EPS8L2: variants seen among roughly 807,000 people sequenced by gnomAD.
The protein encoded by EPS8L2 is epidermal growth factor receptor kinase substrate 8-like protein 2.
In EPS8L2, 81 loss-of-function variants were observed where a neutral mutation model predicts 99.4. That is an observed-to-expected ratio of 0.82 (90% CI 0.68 to 0.98). The LOEUF is 0.98. EPS8L2 is among the 50% of genes least tolerant of loss of function. EPS8L2 has a pLI of 0.00. For synonymous variants in EPS8L2, 509 were observed against 407.3 expected (o/e 1.25, Z -3.01); for missense variants, 1,155 against 968.8 (o/e 1.19, Z -2.55).
chr11:719,423 G>C (rs1862099356), intron 4 of EPS8L2, among the ~76,000 whole-genome samples: 1 of 152,242 alleles, frequency 6.6e-6, no homozygotes, highest in African/African-American at 2.4e-5. Flanking sequence ...GGAGGAGGGG[G>C]CCTGAGCCAG....
intron 15 of EPS8L2, 22 bp downstream of exon 15, chr11:723,375 G>C (rs768585835): frequency 2.6e-6 from 3 of 1,158,352 alleles, no homozygotes; most frequent in Non-Finnish European, 3.7e-6. Context: ...TCAAAGTGAG[G>C]GAGCATGAAA....
intron 4 of EPS8L2, among the ~76,000 whole-genome samples, chr11:715,386 G>A (rs1267387448): frequency 1.3e-5 from 2 of 152,140 alleles, no homozygotes; most frequent in African/African-American, 4.8e-5. Context: ...TGTAAGATCT[G>A]TAGTGATGCC....
Position 724,689 on chromosome 11 carries a change from C to T in EPS8L2, c.1455-35C>T. 6.6e-7 allele frequency: 1 copy of T among 1,514,006 alleles called. No homozygotes were observed. The highest frequency in any genetic ancestry group is 9.2e-7 in the Non-Finnish European group (1 of 1,090,112). The allele number at this position is 1,514,006 out of a possible 1,614,324, so 93.8% of individuals were successfully genotyped here. A position where few individuals can be genotyped will look rare whatever the true frequency, so the allele number is the denominator to read the frequency against. On this transcript the variant is annotated intron_variant, in intron 15 of 20. Transcript: ENST00000318562. The surrounding 1 kb of genome is among the most constrained non-coding windows in gnomAD (Gnocchi z 5.5). The stretch of plus-strand genomic sequence containing the variant: ...GCCCAGGTCTCAGAGGAGACCCCCA[C>T]CAGACTGGGCCTCAGCCCCTCCTGT...
intron 4 of EPS8L2, among the ~76,000 whole-genome samples, chr11:712,312 G>A (rs1045237838): frequency 3.9e-5 from 6 of 151,914 alleles, no homozygotes; most frequent in Middle Eastern, 3.4e-3. Flanking sequence ...AGGCCCCTGC[G>A]CCTGGGTACG....
intron 12 of EPS8L2, 34 bp downstream of exon 12, chr11:722,199 T>C (rs1862198999): frequency 6.2e-7 from 1 of 1,604,996 alleles, no homozygotes; most frequent in Non-Finnish European, 8.5e-7. Context: ...GCGCGCAGGG[T>C]GGGGGCCCAG....
intron 3 of EPS8L2, 65 bp downstream of exon 3, chr11:709,673 G>A: frequency 6.4e-7 from 1 of 1,565,960 alleles, no homozygotes; most frequent in South Asian, 1.1e-5. Flanking sequence ...TCCAGGTGGG[G>A]GACAGCTGCT....
intron 4 of EPS8L2, among the ~76,000 whole-genome samples, chr11:718,834 A>C (rs1302718598): frequency 6.6e-6 from 1 of 151,160 alleles, no homozygotes; most frequent in Non-Finnish European, 1.5e-5. Context: ...ACGCCTGGCT[A>C]ATTTTTTGTA....
At chr11:716,684 T>C (rs757033997) in intron 4 of EPS8L2, among the ~76,000 whole-genome samples, 2 of 152,274 alleles carry the variant, frequency 1.3e-5, no homozygotes, top group Middle Eastern at 3.2e-3. Context: ...TTTCTAGTTT[T>C]CTTGTGACTT....
rs1247320251 is a variant in EPS8L2 at position 723,316 on chromosome 11, G to A, written c.1417G>A (p.Asp473Asn). Residue 473 changes from aspartate (D) to asparagine (N), a missense_variant, in exon 15 of 21, where the codon GAT becomes AAT. Transcript: ENST00000318562. The part of the protein sequence containing the change: ...SPTSEPTPPG[D>N]ALPPVSSPHT... ...CACTTCAGAGCCCACCCCCCCGGGGGATGCCCTACCACCAGTCAGCTCCCC... is the reference window on the plus strand; with the variant it reads ...CACTTCAGAGCCCACCCCCCCGGGGAATGCCCTACCACCAGTCAGCTCCCC... 6 of 1,598,402 alleles carry A rather than the reference G, an allele frequency of 3.8e-6. No homozygotes were observed. The highest frequency in any genetic ancestry group is 1.7e-4 in the Middle Eastern group (1 of 6,016).
Position 721,928 on chromosome 11 carries a change from GC to G in EPS8L2, c.927del (p.Ser310LeufsTer44). ...AGGGCGTCCTCACACTGCGGGCACG[GC>G]CCCCCTCTGAGGGCGAGTTCATCGA... ...AEGVLTLRAR[P>X]PSEGEFIDCF... On this transcript the variant is annotated frameshift_variant, in exon 11 of 21. Transcript: ENST00000318562. LOFTEE classifies it high-confidence loss of function. 1 of 1,595,900 alleles carries G rather than the reference GC, an allele frequency of 6.3e-7. No homozygotes were observed. Among genetic ancestry groups the G allele is most frequent in the Non-Finnish European group, 8.5e-7 (1 of 1,171,776 alleles).
intron 13 of EPS8L2, 37 bp from the exon 14 acceptor site, chr11:722,636 G>A (rs1480863747): frequency 1.2e-6 from 2 of 1,608,026 alleles, no homozygotes; most frequent in East Asian, 2.2e-5. Flanking sequence ...GGCCAGTTCT[G>A]GAGAGGCAGG....
intron 4 of EPS8L2, among the ~76,000 whole-genome samples, chr11:715,626 T>TG (rs1038832549): frequency 9.7e-5 from 14 of 144,742 alleles, no homozygotes; most frequent in Non-Finnish European, 2.1e-4. Context: ...TTGTTTTTTT[T>TG]TTTTTTTTTT....
chr11:722,593 C>T (rs759523973), intron 13 of EPS8L2, 44 bp downstream of exon 13: 26 of 1,610,552 alleles, frequency 1.6e-5, no homozygotes, highest in African/African-American at 5.3e-5. Flanking sequence ...GGGGGGCCAG[C>T]GCTGCATGGG....
chr11:720,328 A>G, intron 5 of EPS8L2, 105 bp downstream of exon 5: 2 of 1,265,456 alleles, frequency 1.6e-6, no homozygotes, highest in Non-Finnish European at 2.2e-6. Context: ...AGGGCCGGCC[A>G]TGCCCTATCA....
intron 4 of EPS8L2, among the ~76,000 whole-genome samples, chr11:713,710 A>G (rs986045945): frequency 2.0e-4 from 30 of 152,166 alleles, no homozygotes; most frequent in Admixed American, 1.4e-3. Flanking sequence ...ACACCCAGCT[A>G]ATTTTTTATA....
At chr11:720,934 C>T (rs1310595945) in intron 7 of EPS8L2, 25 bp downstream of exon 7, 3 of 784,516 alleles carry the variant, frequency 3.8e-6, no homozygotes, top group Admixed American at 3.3e-5. Flanking sequence ...GGAGCGGGGT[C>T]GCAGGGGGCG....
Position 721,655 on chromosome 11 carries a change from A to G in EPS8L2, c.859A>G (p.Lys287Glu), listed in dbSNP as rs1590054465. ...GGCTTTCAAGCAGCTGAACCAGCGG[A>G]AAAAGGGGAAGAAGAAGGGCAAGAA... The part of the protein sequence containing the change: ...AEAFKQLNQR[K>E]KGKKKGKKAP... Residue 287 changes from lysine (K) to glutamate (E), a missense_variant, in exon 10 of 21, where the codon AAA becomes GAA. Lys to Glu is a moderately conservative substitution (Grantham distance 56). Transcript: ENST00000318562. The G allele has an allele frequency of 6.3e-7, 1 of 1,584,516 alleles. No individual in the cohort carries two copies. Among genetic ancestry groups the G allele is most frequent in the Admixed American group, 1.9e-5 (1 of 51,382 alleles).
At chr11:718,708 G>A (rs183506833) in intron 4 of EPS8L2, among the ~76,000 whole-genome samples, 7,336 of 145,808 alleles carry the variant, frequency 0.05, 201 homozygotes, top group African/African-American at 0.074. Flanking sequence ...TCACTCTGTC[G>A]CCCAGGCTGG....
intron 4 of EPS8L2, among the ~76,000 whole-genome samples, chr11:715,612 T>C (rs368599420): frequency 1.3e-3 from 201 of 150,040 alleles, no homozygotes; most frequent in African/African-American, 4.8e-3. Flanking sequence ...TTTATCTTTT[T>C]CTTTTGTTTT....
Sources: allele counts gnomAD v4.1 joint callset (sites outside exome capture counted in the v4.1 genomes callset), GRCh38; gene constraint gnomAD v4.1.1; non-coding constraint Gnocchi (gnomAD v3.1); transcripts MANE v1.5; gene names NCBI Gene and HGNC (gene_info 2026-07-23, HGNC 2026-07-21).